The following TNFRSF11B variants were observed in gnomAD, a reference collection of about 807,000 sequenced individuals.
The protein encoded by TNFRSF11B is tumor necrosis factor receptor superfamily member 11B.
TNFRSF11B carries 16 observed loss-of-function variants against 43.4 expected under a neutral mutation model. The ratio of observed to expected loss-of-function variants is 0.37; its 90% CI spans 0.25 to 0.56. TNFRSF11B has a LOEUF of 0.56. TNFRSF11B is among the 20% of genes least tolerant of loss of function. The pLI is 0.80. For missense variants in TNFRSF11B, 444 were observed against 490.1 expected (o/e 0.91, Z 0.89); for synonymous variants, 185 against 181.8 (o/e 1.02, Z -0.14).
intron 1 of TNFRSF11B, among the ~76,000 whole-genome samples, chr8:118,950,260 T>C (rs1340268853): frequency 1.3e-5 from 2 of 152,222 alleles, no homozygotes; most frequent in African/African-American, 4.8e-5. Context: ...CAGCATTATT[T>C]ATACTAGCCC....
intron 1 of TNFRSF11B, among the ~76,000 whole-genome samples, chr8:118,939,745 C>A (rs1361975094): frequency 6.6e-6 from 1 of 152,136 alleles, no homozygotes; most frequent in African/African-American, 2.4e-5. Context: ...GTATTGGGAA[C>A]TCAGGACAGA....
Position 118,951,800 on chromosome 8 carries a change from C to A in TNFRSF11B, c.22G>T (p.Ala8Ser). ...CTGGCCCAGGGACTTACCACGAGCG[C>A]GCAGCACAGCAAGTTGTTCATTGTG... is the stretch of plus-strand genomic sequence containing the variant. MNNLLCC[A>S]LVFLDISIKW... The change falls in exon 1 of 5, where the codon GCG becomes TCG. Residue 8 changes from alanine (A) to serine (S), a missense_variant. Ala to Ser is a moderately conservative substitution (Grantham distance 99, BLOSUM62 1). Transcript: ENST00000297350. 4 of 1,593,246 alleles carry A rather than the reference C, an allele frequency of 2.5e-6. No homozygotes were observed. Among genetic ancestry groups the A allele is most frequent in the Non-Finnish European group, 3.4e-6 (4 of 1,170,130 alleles).
intron 1 of TNFRSF11B, among the ~76,000 whole-genome samples, chr8:118,942,225 C>G (rs1224060727): frequency 1.0e-4 from 6 of 58,412 alleles, no homozygotes; most frequent in Non-Finnish European, 1.6e-4. Flanking sequence ...CCCCTCCCCC[C>G]ACCCCATGAC....
At chr8:118,942,743 G>T (rs1812505333) in intron 1 of TNFRSF11B, among the ~76,000 whole-genome samples, 1 of 151,992 alleles carries the variant, frequency 6.6e-6, no homozygotes, top group Non-Finnish European at 1.5e-5. Flanking sequence ...CTTTTCAAAG[G>T]TGTCAGAGCT....
At chr8:118,924,836 A>G in intron 4 of TNFRSF11B, 74 bp from the exon 5 acceptor site, 1 of 1,587,288 alleles carries the variant, frequency 6.3e-7, no homozygotes, top group African/African-American at 1.3e-5. Flanking sequence ...AACAAGCGTG[A>G]GGCAAAAGGT....
chr8:118,943,943 C>T lies in TNFRSF11B; in HGVS notation c.30+7849G>A, dbSNP rs372872759. 1.5e-4 allele frequency among the ~76,000 whole-genome samples: 23 copies of T among 152,186 alleles called. 1 individual carries two copies. Among genetic ancestry groups the T allele is most frequent in the East Asian group, 1.4e-3 (7 of 5,172 alleles). On this transcript the variant is annotated intron_variant, in intron 1 of 4. Coordinates refer to ENST00000297350, the MANE Select transcript of TNFRSF11B (RefSeq NM_002546.4). ...TTATGTAATCTAAATTTTGAATTTT[C>T]GAAGTTTCAGCAGCAGAAGACAGAA... is the stretch of plus-strand genomic sequence containing the variant.
At chr8:118,927,755 C>T (rs1414961870) in intron 3 of TNFRSF11B, among the ~76,000 whole-genome samples, 1 of 151,868 alleles carries the variant, frequency 6.6e-6, no homozygotes, top group Non-Finnish European at 1.5e-5. Context: ...TGATTAAACA[C>T]AAAAAAGCAA....
At chr8:118,941,468 G>A (rs1812484669) in intron 1 of TNFRSF11B, among the ~76,000 whole-genome samples, 1 of 152,142 alleles carries the variant, frequency 6.6e-6, no homozygotes, top group South Asian at 2.1e-4. Flanking sequence ...GAGTCACTGG[G>A]CCAAATTCCA....
chr8:118,924,229 T>C lies in TNFRSF11B; in HGVS notation c.*145A>G, dbSNP rs1812218768. 4.8e-6 allele frequency: 4 copies of C among 837,484 alleles called. No homozygotes were observed. The highest frequency in any genetic ancestry group is 7.9e-6 in the Non-Finnish European group (4 of 507,228). 51.9% of individuals were successfully genotyped at this position (837,484 alleles called of 1,614,324 possible). On this transcript the variant is annotated 3_prime_UTR_variant, in exon 5 of 5. Coordinates refer to ENST00000297350, the MANE Select transcript of TNFRSF11B (RefSeq NM_002546.4). The stretch of plus-strand genomic sequence containing the variant: ...AGGAGATGTTAGTCCTTTCTCCACA[T>C]CATAGTTTCTTTTAGTACCCTGTGG...
chr8:118,933,264 T>C lies in TNFRSF11B; in HGVS notation c.67A>G (p.Thr23Ala). 1 of 1,614,044 alleles carries C rather than the reference T, an allele frequency of 6.2e-7. No individual in the cohort carries two copies. The highest frequency in any genetic ancestry group is 8.5e-7 in the Non-Finnish European group (1 of 1,180,038). The change falls in exon 2 of 5, where the codon ACG becomes GCG. Residue 23 changes from threonine to alanine, a missense_variant. Physicochemically the swap from Thr to Ala is moderately conservative, Grantham distance 58. Transcript: ENST00000297350. Reference sequence around the variant, plus strand: ...TAATGAAGGTACTTTGGAGGAAACGTTTCCTGGGTGGTCCACTTAATGGAG... The same window carrying C: ...TAATGAAGGTACTTTGGAGGAAACGCTTCCTGGGTGGTCCACTTAATGGAG... ...DISIKWTTQETFPPKYLHYDE... is the reference protein window; with the variant it reads ...DISIKWTTQEAFPPKYLHYDE...
At position 118,928,744 on chromosome 8, in the gene TNFRSF11B, C is replaced by G; in HGVS notation, c.586G>C (p.Gly196Arg). ...SGNSESTQKC[G>R]IDVTLCEEAF... is the part of the protein sequence containing the mutation. ...TATTTTGGAATGTAATTACCTATTC[C>G]ACATTTTTGAGTTGATTCACTGTTT... Residue 196 changes from glycine (G) to arginine (R), a missense_variant, in exon 3 of 5, where the codon GGA becomes CGA. Transcript: ENST00000297350. 6.2e-7 allele frequency: 1 copy of G among 1,614,084 alleles called. No individual in the cohort carries two copies. Among genetic ancestry groups the G allele is most frequent in the Non-Finnish European group, 8.5e-7 (1 of 1,180,014 alleles).
chr8:118,950,006 G>A (rs1351463612), intron 1 of TNFRSF11B, among the ~76,000 whole-genome samples: 1 of 152,142 alleles, frequency 6.6e-6, no homozygotes, highest in Non-Finnish European at 1.5e-5. Flanking sequence ...CATATACGAA[G>A]TCTTATCTTC....
intron 3 of TNFRSF11B, among the ~76,000 whole-genome samples, chr8:118,927,716 G>A (rs1812263155): frequency 6.6e-6 from 1 of 151,854 alleles, no homozygotes; most frequent in African/African-American, 2.4e-5. Flanking sequence ...AACTGTTTGG[G>A]GAGAGTCAAG....
intron 1 of TNFRSF11B, among the ~76,000 whole-genome samples, chr8:118,941,136 T>C (rs548616509): frequency 1.3e-5 from 2 of 152,320 alleles, no homozygotes; most frequent in South Asian, 4.2e-4. Flanking sequence ...GAAGAGATTT[T>C]TTAAAGCATC....
rs767415247 is a variant in TNFRSF11B, at chr8:118,924,533, T to G, written c.1047A>C (p.Leu349=). The G allele has an allele frequency of 3.1e-6, 5 of 1,614,104 alleles. No homozygotes were observed. The East Asian group carries it at 1.1e-4, about 36-fold the overall frequency. ...GAAAGTGGTACGTCTTTGAGTGCTT[T>G]AGTGCGTGCATTAGGCCCTTCAAGG... The part of the protein sequence containing the change: ...QDTLKGLMHA[L]KHSKTYHFPK... The change falls in exon 5 of 5, where the codon CTA becomes CTC. Residue 349 remains leucine, a synonymous_variant. Coordinates refer to ENST00000297350, the MANE Select transcript of TNFRSF11B (RefSeq NM_002546.4).
At chr8:118,926,802 C>A in intron 3 of TNFRSF11B, 84 bp from the exon 4 acceptor site, 2 of 1,260,236 alleles carry the variant, frequency 1.6e-6, no homozygotes, top group Admixed American at 2.0e-5. Context: ...AAACAAAAAA[C>A]CAACACAATT....
chr8:118,936,518 C>G (rs764996422), intron 1 of TNFRSF11B, among the ~76,000 whole-genome samples: 4 of 152,118 alleles, frequency 2.6e-5, no homozygotes, highest in African/African-American at 4.8e-5. Context: ...AGTCCTTTCT[C>G]TCGGTTTCTT....
At chr8:118,928,587 G>A in intron 3 of TNFRSF11B, 151 bp downstream of exon 3, 1 of 798,562 alleles carries the variant, frequency 1.3e-6, no homozygotes, top group South Asian at 1.5e-5. Context: ...AGCTTTAGCA[G>A]TAATGCATCG....
At chr8:118,931,392 TCTTA>T (rs139959254) in intron 2 of TNFRSF11B, among the ~76,000 whole-genome samples, 193 of 152,336 alleles carry the variant, frequency 1.3e-3, no homozygotes, top group African/African-American at 4.4e-3. Flanking sequence ...AAACAGATTT[TCTTA>T]CTTATTTAAG....
Sources: gnomAD v4.1 joint callset for allele counts (sites outside exome capture counted in the v4.1 genomes callset) on GRCh38, gnomAD v4.1.1 for gene constraint, MANE v1.5 for transcripts, NCBI Gene and HGNC (gene_info 2026-07-23, HGNC 2026-07-21) for gene names.